LAX1: variants seen among roughly 807,000 people sequenced by gnomAD.
LAX1 encodes lymphocyte transmembrane adaptor 1.
A neutral mutation model predicts 20.7 loss-of-function variants in LAX1; 17 were observed. The ratio of observed to expected loss-of-function variants is 0.82; its 90% CI spans 0.56 to 1.23. LAX1 has a LOEUF of 1.23. LAX1 is among the 50% of genes most tolerant of loss of function. The pLI is 0.00. For synonymous variants in LAX1, 165 were observed against 181.0 expected (o/e 0.91, Z 0.71); for missense variants, 470 against 487.0 (o/e 0.97, Z 0.33).
At chr1:203,772,001 A>G (rs1667429979) in intron 3 of LAX1, 67 bp from the exon 4 acceptor site, 1 of 1,241,998 alleles carries the variant, frequency 8.1e-7, no homozygotes, top group Admixed American at 1.7e-5. Flanking sequence ...TCCATGATGC[A>G]GGGATTATTT....
chr1:203,770,818 GTTTTTCTAGAA>G lies in LAX1; in HGVS notation c.90-9_91del, dbSNP rs1485348696. ...TACAGCTAGCACATGTCATTCGATT[GTTTTTCTAGAA>G]ATAAAGACCAGATCACCAACATCTT... On this transcript the variant is annotated splice_acceptor_variant and splice_polypyrimidine_tract_variant and coding_sequence_variant and intron_variant, in exon 2 of 5. Coordinates refer to ENST00000442561, the MANE Select transcript of LAX1 (RefSeq NM_017773.4). LOFTEE classifies it high-confidence loss of function. 1 of 1,607,326 alleles carries G rather than the reference GTTTTTCTAGAA, an allele frequency of 6.2e-7. No homozygotes were observed. The highest frequency in any genetic ancestry group is 1.7e-5 in the Admixed American group (1 of 60,000).
Position 203,772,137 on chromosome 1 carries a change from C to T in LAX1, c.380C>T (p.Pro127Leu), listed in dbSNP as rs780991239. The T allele has an allele frequency of 1.8e-5, 29 of 1,612,588 alleles. No homozygotes were observed. Among genetic ancestry groups the T allele is most frequent in the East Asian group, 2.2e-5 (1 of 44,880 alleles). ...CTCCTCTCCAGAAATTCTGAGAGCCCGGAGCATGTGGTAAGAGTCAAGCTT... is the reference window on the plus strand; with the variant it reads ...CTCCTCTCCAGAAATTCTGAGAGCCTGGAGCATGTGGTAAGAGTCAAGCTT... ...ESLLSRNSES[P>L]EHVPSQAGNA... Residue 127 changes from proline (P) to leucine (L), a missense_variant, in exon 4 of 5, where the codon CCG becomes CTG. Transcript: ENST00000442561.
rs1667395518 is a variant in LAX1 at position 203,770,497 on chromosome 1, G to A, written c.90-331G>A. ...AGGAAGGAAGGAAGGAAGGAAGGAA[G>A]GAAGGAAGGAAGGAAGAAAGAAAGA... On this transcript the variant is annotated intron_variant, in intron 1 of 4. Transcript: ENST00000442561. Among the ~76,000 whole-genome samples, 39 of 75,340 alleles carry A rather than the reference G, an allele frequency of 5.2e-4. 1 individual carries two copies. Among genetic ancestry groups the A allele is most frequent in the Middle Eastern group, 6.2e-3 (1 of 162 alleles). The allele number at this position is 75,340 out of a possible 152,430, so 49.4% of individuals were successfully genotyped here.
chr1:203,770,975 G>T (rs1438961050), intron 2 of LAX1, 38 bp downstream of exon 2: 1 of 1,469,298 alleles, frequency 6.8e-7, no homozygotes, highest in East Asian at 2.3e-5. Flanking sequence ...GACACAGTAG[G>T]ATTATTAATC....
chr1:203,775,631 T>C lies in LAX1; in HGVS notation c.*950T>C, dbSNP rs906487811. 1.3e-5 allele frequency: 2 copies of C among 152,240 alleles called. No individual in the cohort carries two copies. Among genetic ancestry groups the C allele is most frequent in the Non-Finnish European group, 2.9e-5 (2 of 68,040 alleles). The allele number at this position is 152,240 out of a possible 1,614,324, so 9.4% of individuals were successfully genotyped here. On this transcript the variant is annotated 3_prime_UTR_variant, in exon 5 of 5. Coordinates refer to ENST00000442561, the MANE Select transcript of LAX1 (RefSeq NM_017773.4). ...ACAAAAACTCGCACATGACTGTTTA[T>C]AGCAGCTTCATTCATAATTACCAAA... is the stretch of plus-strand genomic sequence containing the variant.
Position 203,774,066 on chromosome 1 carries a change from C to T in LAX1, c.582C>T (p.Val194=), listed in dbSNP as rs1667468450. 3.1e-6 allele frequency: 5 copies of T among 1,614,122 alleles called. No homozygotes were observed. The highest frequency in any genetic ancestry group is 4.2e-6 in the Non-Finnish European group (5 of 1,180,024). Residue 194 remains valine, a synonymous_variant, in exon 5 of 5, where the codon GTC becomes GTT. Transcript: ENST00000442561. The part of the protein sequence containing the change: ...SISSEDSHDY[V]NVPTAEEIAE... ...CTTCAGAGGATTCGCATGATTATGT[C>T]AATGTCCCCACAGCAGAAGAGATTG... is the stretch of plus-strand genomic sequence containing the variant.
At chr1:203,771,516 G>T (rs756370884) in intron 3 of LAX1, 39 bp downstream of exon 3, 1 of 1,204,258 alleles carries the variant, frequency 8.3e-7, no homozygotes, top group Admixed American at 1.7e-5. Context: ...CCAGATATTC[G>T]AACTTCTACT....
intron 4 of LAX1, among the ~76,000 whole-genome samples, chr1:203,773,359 C>T (rs755781073): frequency 6.6e-5 from 10 of 151,908 alleles, no homozygotes; most frequent in Non-Finnish European, 1.2e-4. Flanking sequence ...GAGGTTGAGG[C>T]GGGAGAATCG....
At chr1:203,765,883 C>T (rs1667296259) in intron 1 of LAX1, among the ~76,000 whole-genome samples, 1 of 152,124 alleles carries the variant, frequency 6.6e-6, no homozygotes, top group Non-Finnish European at 1.5e-5. Context: ...ACTGTGATAA[C>T]ACTGGCCCTT....
chr1:203,771,597 G>A, intron 3 of LAX1, 120 bp downstream of exon 3: 1 of 728,496 alleles, frequency 1.4e-6, no homozygotes, highest in East Asian at 2.5e-5. Context: ...CCTTCAGAGA[G>A]TATCAGGGAG....
Position 203,765,255 on chromosome 1 carries a change from T to G in LAX1, c.-311T>G. 1.6e-6 allele frequency: 2 copies of G among 1,224,190 alleles called. No individual in the cohort carries two copies. The highest frequency in any genetic ancestry group is 1.5e-5 in the African/African-American group (1 of 66,652). The allele number at this position is 1,224,190 out of a possible 1,614,324, so 75.8% of individuals were successfully genotyped here. A position where few individuals can be genotyped will look rare whatever the true frequency, so the allele number is the denominator to read the frequency against. On this transcript the variant is annotated 5_prime_UTR_variant, in exon 1 of 5. Coordinates refer to ENST00000442561, the MANE Select transcript of LAX1 (RefSeq NM_017773.4). Reference sequence around the variant, plus strand: ...CTTGAGCCTCTTGGCAGTTTCCCCCTCTGTGCCCCTCACGTTTCCACCAGA... The same window carrying G: ...CTTGAGCCTCTTGGCAGTTTCCCCCGCTGTGCCCCTCACGTTTCCACCAGA...
At position 203,774,325 on chromosome 1, in the gene LAX1, G is replaced by A. The variant is rs1667473627; in HGVS notation, c.841G>A (p.Glu281Lys). The A allele has an allele frequency of 1.9e-6, 3 of 1,614,208 alleles. No individual in the cohort carries two copies. In the South Asian group the frequency reaches 3.3e-5, roughly 18 times the overall value. Residue 281 changes from glutamate (E) to lysine (K), a missense_variant, in exon 5 of 5, where the codon GAA becomes AAA. Transcript: ENST00000442561. ...MTGLDLSAIQ[E>K]RQLWVAFQCC... is the part of the protein sequence containing the mutation. ...AGGGTTGGATCTCAGTGCCATCCAG[G>A]AAAGGCAGCTCTGGGTGGCTTTTCA...
chr1:203,771,646 G>T (rs1427493687), intron 3 of LAX1, among the ~76,000 whole-genome samples, 169 bp downstream of exon 3: 2 of 152,124 alleles, frequency 1.3e-5, no homozygotes, highest in South Asian at 2.1e-4. Flanking sequence ...CTCCAGGGGG[G>T]TCTGGAGGGC....
In LAX1 at chr1:203,770,499, AAGGAAGG is replaced by A. The variant is rs1667396094; in HGVS notation, c.90-327_90-321del. Among the ~76,000 whole-genome samples the A allele has an allele frequency of 1.6e-3, 135 of 83,478 alleles. 3 individuals are homozygous for A. The Middle Eastern group carries it at 0.026, about 16-fold the overall frequency. The allele number at this position is 83,478 out of a possible 152,430, so 54.8% of individuals were successfully genotyped here. A position where few individuals can be genotyped will look rare whatever the true frequency, so the allele number is the denominator to read the frequency against. ...GAAGGAAGGAAGGAAGGAAGGAAGG[AAGGAAGG>A]AAGGAAGAAAGAAAGAAAGAAAGAA... On this transcript the variant is annotated intron_variant, in intron 1 of 4. Transcript: ENST00000442561.
At chr1:203,773,848 C>A (rs768689115) in intron 4 of LAX1, 27 bp from the exon 5 acceptor site, 5 of 1,401,234 alleles carry the variant, frequency 3.6e-6, no homozygotes, top group South Asian at 2.4e-5. Flanking sequence ...TTGCATCTGA[C>A]CACTGGCTTC....
chr1:203,766,241 C>T (rs1667302193), intron 1 of LAX1, among the ~76,000 whole-genome samples: 1 of 152,184 alleles, frequency 6.6e-6, no homozygotes, highest in Non-Finnish European at 1.5e-5. Context: ...CTTTGGGAGG[C>T]CGAGTGGGGC....
intron 1 of LAX1, among the ~76,000 whole-genome samples, chr1:203,770,316 T>A (rs1316760814): frequency 6.7e-6 from 1 of 150,234 alleles, no homozygotes; most frequent in Non-Finnish European, 1.5e-5. Flanking sequence ...CTCTGGAGGC[T>A]GAGGCAGGAG....
At position 203,772,145 on chromosome 1, in the gene LAX1, G is replaced by A; in HGVS notation, c.388G>A (p.Val130Met). 6.2e-7 allele frequency: 1 copy of A among 1,611,436 alleles called. No homozygotes were observed. The highest frequency in any genetic ancestry group is 1.3e-5 in the African/African-American group (1 of 74,986). The part of the protein sequence containing the change: ...LSRNSESPEH[V>M]PSQAGNAFQE... ...CAGAAATTCTGAGAGCCCGGAGCAT[G>A]TGGTAAGAGTCAAGCTTCTTGGGAG... is the stretch of plus-strand genomic sequence containing the variant. The change falls in exon 4 of 5, where the codon GTG (valine) becomes ATG (methionine). Residue 130 changes from valine (V) to methionine (M), a missense_variant and splice_region_variant. Coordinates refer to ENST00000442561, the MANE Select transcript of LAX1 (RefSeq NM_017773.4).
At chr1:203,766,895 G>A (rs1176075942) in intron 1 of LAX1, among the ~76,000 whole-genome samples, 4 of 151,366 alleles carry the variant, frequency 2.6e-5, no homozygotes, top group East Asian at 1.9e-4. Context: ...TCGCTCTGTC[G>A]CCCAGGCTGG....
Sources: allele counts gnomAD v4.1 joint callset (sites outside exome capture counted in the v4.1 genomes callset), GRCh38; gene constraint gnomAD v4.1.1; transcripts MANE v1.5; gene names NCBI Gene and HGNC (gene_info 2026-07-23, HGNC 2026-07-21).